The following SRPK2 variants were observed in gnomAD, a reference collection of about 807,000 sequenced individuals.
SRPK2 encodes SFRS protein kinase 2.
Under a neutral mutation model 90.8 loss-of-function variants are expected in SRPK2, and 21 were observed. That is an observed-to-expected ratio of 0.23 (90% CI 0.16 to 0.33). The LOEUF is 0.33. SRPK2 is among the 10% of genes least tolerant of loss of function. The pLI, the probability that SRPK2 is intolerant of heterozygous loss-of-function variation, is 1.00. For missense variants in SRPK2, 620 were observed against 869.0 expected (o/e 0.71, Z 3.60); for synonymous variants, 288 against 311.1 (o/e 0.93, Z 0.78).
At chr7:105,192,457 T>C (rs150072372) in intron 3 of SRPK2, among the ~76,000 whole-genome samples, 1 of 152,322 alleles carries the variant, frequency 6.6e-6, no homozygotes, top group African/African-American at 2.4e-5. Flanking sequence ...TTGAGGGACA[T>C]TTGGGTTGGT....
intron 2 of SRPK2, among the ~76,000 whole-genome samples, chr7:105,371,834 T>TTTACAGTTCTAAAAACATACAGTTC: frequency 6.6e-6 from 1 of 151,992 alleles, no homozygotes; most frequent in African/African-American, 2.4e-5. Flanking sequence ...AAAAACATAA[T>TTTACAGTTCTAAAAACATACAGTTC]TAAAAAATAT....
intron 3 of SRPK2, among the ~76,000 whole-genome samples, chr7:105,179,824 C>CAAAAAAAAAAAAAAAAAA (rs1185836588): frequency 1.7e-5 from 1 of 60,272 alleles, no homozygotes; most frequent in Non-Finnish European, 2.8e-5. Flanking sequence ...GAGTCCATCT[C>CAAAAAAAAAAAAAAAAAA]AAAAAAAAAA....
intron 2 of SRPK2, among the ~76,000 whole-genome samples, chr7:105,377,070 C>CA (rs1820396440): frequency 1.3e-5 from 2 of 152,152 alleles, no homozygotes; most frequent in South Asian, 4.1e-4. Flanking sequence ...TTCTAACTGC[C>CA]AAAAGCAAAG....
chr7:105,315,253 T>A (rs1812188904), intron 2 of SRPK2, among the ~76,000 whole-genome samples: 1 of 152,198 alleles, frequency 6.6e-6, no homozygotes, highest in South Asian at 2.1e-4. Context: ...AAGACCTGAA[T>A]TAATCTAACA....
At chr7:105,380,947 T>TAAAAAAAAAAAA (rs869039181) in intron 2 of SRPK2, among the ~76,000 whole-genome samples, 1 of 104,144 alleles carries the variant, frequency 9.6e-6, no homozygotes, top group Non-Finnish European at 1.9e-5. Context: ...TTTATTACTT[T>TAAAAAAAAAAAA]AAAAAAAAAA....
At chr7:105,185,888 T>G (rs1482686828) in intron 3 of SRPK2, among the ~76,000 whole-genome samples, 1 of 152,170 alleles carries the variant, frequency 6.6e-6, no homozygotes, top group East Asian at 1.9e-4. Context: ...AGGCTTATAA[T>G]CCATGCCAGA....
chr7:105,236,321 A>T (rs1024610432), intron 2 of SRPK2, among the ~76,000 whole-genome samples: 1 of 152,198 alleles, frequency 6.6e-6, no homozygotes, highest in African/African-American at 2.4e-5. Context: ...TTCACATAAC[A>T]TATTTCATTT....
intron 3 of SRPK2, among the ~76,000 whole-genome samples, chr7:105,191,121 T>C (rs1794227459): frequency 6.6e-6 from 1 of 152,168 alleles, no homozygotes; most frequent in African/African-American, 2.4e-5. Context: ...TACAGTGAAG[T>C]TAGGATACAG....
At chr7:105,170,867 G>C (rs1243482719) in intron 3 of SRPK2, among the ~76,000 whole-genome samples, 4 of 96,076 alleles carry the variant, frequency 4.2e-5, no homozygotes, top group African/African-American at 1.5e-4. Context: ...AAGAAAGAAA[G>C]AAAGAAAGAA....
chr7:105,361,141 T>C (rs995294893), intron 2 of SRPK2, among the ~76,000 whole-genome samples: 1 of 152,130 alleles, frequency 6.6e-6, no homozygotes, highest in Non-Finnish European at 1.5e-5. Flanking sequence ...TCTCAGTCAA[T>C]GTACAAAAAT....
At position 105,388,648 on chromosome 7, in the gene SRPK2, T is replaced by TTTTTCGGATGTTTCTCTC. The variant is rs2132853982; in HGVS notation, c.53_70dup (p.Arg18_Lys23dup). 2 of 1,587,104 alleles carry TTTTTCGGATGTTTCTCTC rather than the reference T, an allele frequency of 1.3e-6. No homozygotes were observed. The highest frequency in any genetic ancestry group is 2.3e-5 in the East Asian group (1 of 42,588). On this transcript the variant is annotated inframe_insertion and splice_region_variant, in exon 2 of 16. Transcript: ENST00000393651. ...GGGGACAGGCGCAGCGTGGACTCAC[T>TTTTTCGGATGTTTCTCTC]TTTTCGGATGTTTCTCTCTTTTCGG...
chr7:105,196,185 T>C (rs1038544662), intron 3 of SRPK2, among the ~76,000 whole-genome samples: 2 of 152,238 alleles, frequency 1.3e-5, no homozygotes, highest in African/African-American at 4.8e-5. Flanking sequence ...AGAGCATCTA[T>C]TGCTTTGTTC....
At chr7:105,209,689 A>T (rs1425034202) in intron 2 of SRPK2, among the ~76,000 whole-genome samples, 1 of 152,076 alleles carries the variant, frequency 6.6e-6, no homozygotes, top group African/African-American at 2.4e-5. Context: ...AGAAAGAAAA[A>T]AGAAAAAGGA....
intron 2 of SRPK2, among the ~76,000 whole-genome samples, chr7:105,316,194 T>C (rs1700886384): frequency 6.6e-6 from 1 of 152,054 alleles, no homozygotes; most frequent in African/African-American, 2.4e-5. Flanking sequence ...CCAGATAATT[T>C]TTGTATTTTT....
chr7:105,178,794 G>A (rs976952076), intron 3 of SRPK2, among the ~76,000 whole-genome samples: 1 of 151,964 alleles, frequency 6.6e-6, no homozygotes, highest in African/African-American at 2.4e-5. Flanking sequence ...GGGAGACAAA[G>A]TAAGGCCCTC....
chr7:105,219,978 T>C (rs1318838425), intron 2 of SRPK2, among the ~76,000 whole-genome samples: 2 of 152,304 alleles, frequency 1.3e-5, no homozygotes. Flanking sequence ...TCCTAACCAG[T>C]GTACACCTGA....
rs772566999 is a variant in SRPK2 at position 105,168,045 on chromosome 7, G to A, written c.389C>T (p.Thr130Met). Residue 130 changes from threonine (T) to methionine (M), a missense_variant, in exon 5 of 16, where the codon ACG (threonine) becomes ATG (methionine). Around this residue, in one of 8 missense-constraint regions of SRPK2, gnomAD observed 196 missense variants for 339.2 expected, o/e 0.58. Coordinates refer to ENST00000393651, the MANE Select transcript of SRPK2 (RefSeq NM_182692.3). ...TTTTATTTCATCCAAGGCTGTCTCC[G>A]TATAATGCTGGGCACTTTTTACAAC... ...MKVVKSAQHY[T>M]ETALDEIKLL... 8 of 1,612,304 alleles carry A rather than the reference G, an allele frequency of 5.0e-6. No individual in the cohort carries two copies. The highest frequency in any genetic ancestry group is 2.2e-5 in the South Asian group (2 of 90,728).
At chr7:105,271,493 T>A (rs1348538949) in intron 2 of SRPK2, among the ~76,000 whole-genome samples, 1 of 152,188 alleles carries the variant, frequency 6.6e-6, no homozygotes, top group Non-Finnish European at 1.5e-5. Context: ...GCCCACATAC[T>A]CTGTCTATGC....
rs1372256378 is a variant in SRPK2 at position 105,396,778 on chromosome 7, G to GAA, written n.153+2377_153+2378insTT. Among the ~76,000 whole-genome samples the GAA allele has an allele frequency of 3.0e-4, 34 of 112,264 alleles. No homozygotes were observed. In the East Asian group the frequency reaches 0.011, roughly 38 times the overall value. 73.6% of individuals were successfully genotyped at this position (112,264 alleles called of 152,430 possible). A position where few individuals can be genotyped will look rare whatever the true frequency, so the allele number is the denominator to read the frequency against. ...GAGAGGAAAGAGAGAGAAAGAAAGA[G>GAA]AGAGAAAGAAAGAAAGAGAAAGAGA... On this transcript the variant is annotated intron_variant and non_coding_transcript_variant, in intron 1 of 3. Coordinates refer to the SRPK2 transcript ENST00000462282.
Sources: gnomAD v4.1 joint callset for allele counts (sites outside exome capture counted in the v4.1 genomes callset) on GRCh38, gnomAD v4.1.1 for gene constraint, gnomAD v4.1.1 regional missense constraint, MANE v1.5 for transcripts, NCBI Gene and HGNC (gene_info 2026-07-23, HGNC 2026-07-21) for gene names.